LIFR: variants seen among roughly 807,000 people sequenced by gnomAD.
The protein encoded by LIFR is LIF receptor subunit alpha.
Under a neutral mutation model 122.2 loss-of-function variants are expected in LIFR, and 84 were observed. The ratio of observed to expected loss-of-function variants is 0.69; its 90% CI spans 0.58 to 0.82. LIFR has a LOEUF of 0.82. LIFR is among the 40% of genes least tolerant of loss of function. LIFR has a pLI of 0.00. For missense variants in LIFR, 1,294 were observed against 1,311.6 expected (o/e 0.99, Z 0.21); for synonymous variants, 422 against 434.7 (o/e 0.97, Z 0.36).
chr5:38,570,904 A>G (rs1749188106), intron 1 of LIFR, among the ~76,000 whole-genome samples: 1 of 152,188 alleles, frequency 6.6e-6, no homozygotes, highest in Non-Finnish European at 1.5e-5. Context: ...ACCTTTTCTC[A>G]TGAGCAAAAA....
chr5:38,504,553 C>T (rs1055925137), intron 9 of LIFR, among the ~76,000 whole-genome samples: 2 of 151,840 alleles, frequency 1.3e-5, no homozygotes, highest in Non-Finnish European at 2.9e-5. Context: ...GAAGATGGAA[C>T]TTAAGATGAG....
intron 12 of LIFR, among the ~76,000 whole-genome samples, chr5:38,497,293 A>G (rs1303336051): frequency 1.3e-5 from 2 of 152,206 alleles, no homozygotes; most frequent in South Asian, 2.1e-4. Flanking sequence ...AACAACAACA[A>G]CAGCAAAAAT....
rs541402678 is a variant in LIFR at position 38,552,416 on chromosome 5, G to A, written c.-20+3918C>T. 3.9e-5 allele frequency among the ~76,000 whole-genome samples: 6 copies of A among 152,274 alleles called. No individual in the cohort carries two copies. The South Asian group carries it at 8.3e-4, about 21-fold the overall frequency. Reference sequence around the variant, plus strand: ...CCACAAATTATTGATATTCCCTATAGGGCAGGCACACATTCCTCCTGTGAG... The same window carrying A: ...CCACAAATTATTGATATTCCCTATAAGGCAGGCACACATTCCTCCTGTGAG... On this transcript the variant is annotated intron_variant, in intron 1 of 19. Coordinates refer to ENST00000453190, the MANE Select transcript of LIFR (RefSeq NM_001127671.2).
At chr5:38,569,908 C>T (rs1749155165) in intron 1 of LIFR, among the ~76,000 whole-genome samples, 1 of 152,132 alleles carries the variant, frequency 6.6e-6, no homozygotes, top group Non-Finnish European at 1.5e-5. Context: ...AGTAATGAGG[C>T]CCTCATCATT....
chr5:38,510,629 T>TG lies in LIFR; in HGVS notation c.825_826insC (p.Lys276GlnfsTer18). 1 of 1,614,074 alleles carries TG rather than the reference T, an allele frequency of 6.2e-7. No individual in the cohort carries two copies. The highest frequency in any genetic ancestry group is 8.5e-7 in the Non-Finnish European group (1 of 1,179,968). On this transcript the variant is annotated frameshift_variant, in exon 7 of 20. Transcript: ENST00000453190. LOFTEE classifies it high-confidence loss of function. ...TGGCCAATCAGTGCTGATAACACTTTTTCTTGACTCACACAACAAAATGTT... is the reference window on the plus strand; with the variant it reads ...TGGCCAATCAGTGCTGATAACACTTTGTTCTTGACTCACACAACAAAATGTT...
chr5:38,530,435 A>G (rs1172263582), intron 2 of LIFR, 71 bp downstream of exon 2: 16 of 1,397,632 alleles, frequency 1.1e-5, no homozygotes, highest in Non-Finnish European at 1.6e-5. Context: ...ATAAAGCAAC[A>G]AAATTGCTTC....
rs765868545 is a variant in LIFR at position 38,479,403 on chromosome 5, C to T, written c.*2192G>A. On this transcript the variant is annotated 3_prime_UTR_variant, in exon 20 of 20. Transcript: ENST00000453190. ...AAAAACAATGAAGTCTTGGATAGAA[C>T]GAAAGGACTTAAGAGCCCCAGTGAT... 12 of 230,022 alleles carry T rather than the reference C, an allele frequency of 5.2e-5. No individual in the cohort carries two copies. The highest frequency in any genetic ancestry group is 8.6e-5 in the Non-Finnish European group (10 of 116,190). 14.2% of individuals were successfully genotyped at this position (230,022 alleles called of 1,614,324 possible).
At chr5:38,545,137 G>A (rs1747804732) in intron 1 of LIFR, among the ~76,000 whole-genome samples, 1 of 152,070 alleles carries the variant, frequency 6.6e-6, no homozygotes, top group Non-Finnish European at 1.5e-5. Flanking sequence ...GGGCGTGGTG[G>A]CGGACGCCTG....
At chr5:38,545,871 G>GAAAAAAAAAA (rs371497950) in intron 1 of LIFR, among the ~76,000 whole-genome samples, 1 of 87,708 alleles carries the variant, frequency 1.1e-5, no homozygotes, top group Non-Finnish European at 2.3e-5. Flanking sequence ...CAAAAAAAAA[G>GAAAAAAAAAA]AAAAAAAAAA....
At chr5:38,490,154 C>CT (rs1365148776) in intron 15 of LIFR, 36 bp downstream of exon 15, 1 of 909,654 alleles carries the variant, frequency 1.1e-6, no homozygotes, top group Non-Finnish European at 1.8e-6. Flanking sequence ...CTCATGTTGC[C>CT]TTGAGCTCTT....
At chr5:38,519,386 T>C (rs746606964) in intron 5 of LIFR, among the ~76,000 whole-genome samples, 48 of 152,350 alleles carry the variant, frequency 3.2e-4, no homozygotes, top group East Asian at 2.5e-3. Flanking sequence ...ATTGGTTACA[T>C]GCACAGAATG....
In LIFR at chr5:38,489,291, A is replaced by G. The variant is rs368949997; in HGVS notation, c.2168-46T>C. On this transcript the variant is annotated intron_variant, in intron 15 of 19. Coordinates refer to ENST00000453190, the MANE Select transcript of LIFR (RefSeq NM_001127671.2). ...TTGCTAAAGGGGAGTGTATGAATAC[A>G]GAGTAATACAGTAATGTTTCCTGAG... 3 of 1,360,154 alleles carry G rather than the reference A, an allele frequency of 2.2e-6. No individual in the cohort carries two copies. The African/African-American group carries it at 4.3e-5, about 19-fold the overall frequency. 84.3% of individuals were successfully genotyped at this position (1,360,154 alleles called of 1,614,324 possible). A position where few individuals can be genotyped will look rare whatever the true frequency, so the allele number is the denominator to read the frequency against.
Position 38,544,668 on chromosome 5 carries a change from G to A in LIFR, c.-20+11666C>T, listed in dbSNP as rs756012272. On this transcript the variant is annotated intron_variant, in intron 1 of 19. Coordinates refer to ENST00000453190, the MANE Select transcript of LIFR (RefSeq NM_001127671.2). ...TTCAGCGTACACATCAATACCTAGA[G>A]GTATCTATGCATACATAATTCCTGA... Among the ~76,000 whole-genome samples, 42 of 152,072 alleles carry A rather than the reference G, an allele frequency of 2.8e-4. 1 individual carries two copies. The highest frequency in any genetic ancestry group is 6.6e-4 in the Admixed American group (10 of 15,266).
chr5:38,517,943 A>G (rs1475032194), intron 5 of LIFR, among the ~76,000 whole-genome samples: 2 of 40,428 alleles, frequency 4.9e-5, no homozygotes, highest in Admixed American at 4.4e-4. Flanking sequence ...CATCTCTATG[A>G]AAAAAAAAAA....
rs1259419508 is a variant in LIFR, at chr5:38,506,528, C to T, written c.1096G>A (p.Ala366Thr). The T allele has an allele frequency of 6.2e-7, 1 of 1,614,064 alleles. No homozygotes were observed. The part of the protein sequence containing the change: ...GRVTALVGPR[A>T]TSYTLVESFS... ...CTTTCAACTAAAGTGTAGCTTGTAG[C>T]ACGTGGGCCCACCAACGCTGTCACC... Residue 366 changes from alanine (A) to threonine (T), a missense_variant, in exon 8 of 20, where the codon GCT (alanine) becomes ACT (threonine). Transcript: ENST00000453190.
At chr5:38,596,264 C>A (rs1245397916), upstream of LIFR, among the ~76,000 whole-genome samples, 2 of 152,220 alleles carry the variant, frequency 1.3e-5, no homozygotes, top group Non-Finnish European at 2.9e-5. Context: ...TGCAAACTTT[C>A]CTGGGTCCAC....
chr5:38,500,208 T>C (rs80020760), intron 11 of LIFR, among the ~76,000 whole-genome samples: 4,670 of 152,250 alleles, frequency 0.031, 275 homozygotes, highest in African/African-American at 0.11. Flanking sequence ...TGTGTATATA[T>C]ATAAATTTAT....
At position 38,530,545 on chromosome 5, in the gene LIFR, G is replaced by T. The variant is rs562468381; in HGVS notation, c.103C>A (p.Leu35Ile). The T allele has an allele frequency of 6.2e-7, 1 of 1,612,818 alleles. No individual in the cohort carries two copies. Among genetic ancestry groups the T allele is most frequent in the South Asian group, 1.1e-5 (1 of 91,046 alleles). Reference sequence around the variant, plus strand: ...TTTACTTGATTCATTAGATATAGAAGAATAAATGTTGATAACAGCCACTGG... The same window carrying T: ...TTTACTTGATTCATTAGATATAGAATAATAAATGTTGATAACAGCCACTGG... ...NFQWLLSTFI[L>I]LYLMNQVNSQ... is the part of the protein sequence containing the mutation. The change falls in exon 2 of 20, where the codon CTT (leucine) becomes ATT (isoleucine). Residue 35 changes from leucine (L) to isoleucine (I), a missense_variant. Transcript: ENST00000453190.
chr5:38,517,088 G>A (rs2112519595), intron 5 of LIFR, among the ~76,000 whole-genome samples: 1 of 152,154 alleles, frequency 6.6e-6, no homozygotes, highest in African/African-American at 2.4e-5. Context: ...GATAGCATTA[G>A]GAGAAATACC....
Sources: allele counts gnomAD v4.1 joint callset (sites outside exome capture counted in the v4.1 genomes callset), GRCh38; gene constraint gnomAD v4.1.1; transcripts MANE v1.5; gene names NCBI Gene and HGNC (gene_info 2026-07-23, HGNC 2026-07-21).